The following RABGAP1L variants were observed in gnomAD, a reference collection of about 807,000 sequenced individuals.
The protein encoded by RABGAP1L is rab GTPase-activating protein 1-like.
Under a neutral mutation model 137.7 loss-of-function variants are expected in RABGAP1L, and 63 were observed. The ratio of observed to expected loss-of-function variants is 0.46; its 90% CI spans 0.37 to 0.56. The LOEUF is 0.56. Ranked by LOEUF, RABGAP1L falls within the 20% of genes least tolerant of loss-of-function variation. The pLI, the probability that RABGAP1L is intolerant of heterozygous loss-of-function variation, is 0.00. For missense variants in RABGAP1L, 1,095 were observed against 1,244.0 expected (o/e 0.88, Z 1.80); for synonymous variants, 431 against 433.7 (o/e 0.99, Z 0.08).
chr1:174,496,659 A>T (rs1660755936), intron 13 of RABGAP1L, among the ~76,000 whole-genome samples: 4 of 152,212 alleles, frequency 2.6e-5, no homozygotes, highest in African/African-American at 9.6e-5. Flanking sequence ...GAAGGCAACC[A>T]ATTGCCTGAC....
chr1:174,771,370 T>G (rs919757603), intron 18 of RABGAP1L, among the ~76,000 whole-genome samples: 4 of 152,202 alleles, frequency 2.6e-5, no homozygotes, highest in African/African-American at 9.7e-5. Flanking sequence ...TTTGTATGTC[T>G]TATATAACCA....
chr1:174,784,101 G>C (rs1338954219), intron 18 of RABGAP1L, among the ~76,000 whole-genome samples: 2 of 124,962 alleles, frequency 1.6e-5, no homozygotes, highest in Non-Finnish European at 3.2e-5. Context: ...CTCGCTACAA[G>C]CTCCGCCTCC....
chr1:174,865,770 T>G (rs1371934896), intron 19 of RABGAP1L, among the ~76,000 whole-genome samples: 1 of 152,152 alleles, frequency 6.6e-6, no homozygotes, highest in Non-Finnish European at 1.5e-5. Flanking sequence ...CCTGTAACTT[T>G]TTAAAAAAGG....
chr1:174,823,114 A>G (rs756458700), intron 19 of RABGAP1L, among the ~76,000 whole-genome samples: 15 of 152,316 alleles, frequency 9.8e-5, no homozygotes, highest in Admixed American at 2.6e-4. Flanking sequence ...CAGAATTGCT[A>G]TCTCACCTAG....
chr1:174,453,734 T>C (rs976071309), intron 13 of RABGAP1L, among the ~76,000 whole-genome samples: 3 of 152,210 alleles, frequency 2.0e-5, no homozygotes, highest in African/African-American at 7.2e-5. Flanking sequence ...ACAAAATTGC[T>C]AGAGTAGAGA....
chr1:174,764,931 A>G (rs1685549239), intron 18 of RABGAP1L, among the ~76,000 whole-genome samples: 2 of 152,160 alleles, frequency 1.3e-5, no homozygotes, highest in Non-Finnish European at 2.9e-5. Flanking sequence ...CTGTGTTTTA[A>G]TCCAGCCCTT....
intron 19 of RABGAP1L, among the ~76,000 whole-genome samples, chr1:174,846,076 C>G (rs1694016033): frequency 6.6e-6 from 1 of 151,142 alleles, no homozygotes; most frequent in South Asian, 2.1e-4. Flanking sequence ...GGTGATATCC[C>G]CTTTATTATT....
intron 13 of RABGAP1L, among the ~76,000 whole-genome samples, chr1:174,611,577 T>C (rs1356828185): frequency 2.0e-5 from 3 of 149,858 alleles, no homozygotes; most frequent in African/African-American, 7.4e-5. Flanking sequence ...AAGTAGTTTT[T>C]TCCAATTCTG....
chr1:174,358,707 T>C (rs979283915), intron 11 of RABGAP1L, among the ~76,000 whole-genome samples: 1 of 152,220 alleles, frequency 6.6e-6, no homozygotes, highest in Admixed American at 6.5e-5. Flanking sequence ...AGTTGCCTTT[T>C]ACCCATGTCT....
intron 18 of RABGAP1L, among the ~76,000 whole-genome samples, chr1:174,811,023 G>T (rs899353347): frequency 3.9e-5 from 6 of 152,054 alleles, no homozygotes. Flanking sequence ...GATCACTTGA[G>T]CCTGGGAGGT....
intron 1 of RABGAP1L, among the ~76,000 whole-genome samples, chr1:174,179,695 A>G (rs1666198037): frequency 6.6e-6 from 1 of 152,158 alleles, no homozygotes; most frequent in Non-Finnish European, 1.5e-5. Context: ...TTGCATCATC[A>G]CATTAGCACA....
intron 12 of RABGAP1L, among the ~76,000 whole-genome samples, chr1:174,384,474 A>G (rs529044408): frequency 3.3e-5 from 5 of 152,140 alleles, no homozygotes; most frequent in African/African-American, 7.2e-5. Context: ...TTTTAACTGC[A>G]GTAGGTGCTG....
chr1:174,982,617 G>A (rs924498485), intron 23 of RABGAP1L, among the ~76,000 whole-genome samples: 1 of 152,190 alleles, frequency 6.6e-6, no homozygotes, highest in South Asian at 2.1e-4. Flanking sequence ...CTCTCCGTAT[G>A]TTTCTACTAA....
chr1:174,197,128 C>T (rs914167759), intron 1 of RABGAP1L, among the ~76,000 whole-genome samples: 18 of 152,144 alleles, frequency 1.2e-4, no homozygotes, highest in African/African-American at 4.1e-4. Context: ...GCACTGTGCC[C>T]AGTGCTTTAC....
chr1:174,195,612 T>TCTTCCTTC (rs1315750217), intron 1 of RABGAP1L, among the ~76,000 whole-genome samples: 2 of 59,964 alleles, frequency 3.3e-5, no homozygotes, highest in Non-Finnish European at 6.8e-5. Context: ...TTTCTTTCTT[T>TCTTCCTTC]CTTTCTTCCT....
At position 174,514,247 on chromosome 1, in the gene RABGAP1L, CAAAAA is replaced by C. The variant is rs776487855; in HGVS notation, c.1710+120121_1710+120125del. Among the ~76,000 whole-genome samples the C allele has an allele frequency of 6.2e-5, 5 of 81,072 alleles. No homozygotes were observed. In the Admixed American group the frequency reaches 7.3e-4, roughly 12 times the overall value. 53.2% of individuals were successfully genotyped at this position (81,072 alleles called of 152,430 possible). A position where few individuals can be genotyped will look rare whatever the true frequency, so the allele number is the denominator to read the frequency against. On this transcript the variant is annotated intron_variant, in intron 13 of 25. Transcript: ENST00000681986. ...ATGAAGCATGTGTTATATTTTAAGC[CAAAAA>C]AAAAAAAAAAAAAAAAAACTGGGGA...
At chr1:174,773,163 G>GGTGTGT (rs9286899) in intron 18 of RABGAP1L, among the ~76,000 whole-genome samples, 6 of 149,546 alleles carry the variant, frequency 4.0e-5, no homozygotes, top group Non-Finnish European at 7.4e-5. Flanking sequence ...TAAGCTATGG[G>GGTGTGT]GTGTGTGTGT....
chr1:174,455,309 A>C (rs1334516608), intron 13 of RABGAP1L, among the ~76,000 whole-genome samples: 1 of 152,226 alleles, frequency 6.6e-6, no homozygotes, highest in Non-Finnish European at 1.5e-5. Flanking sequence ...AGAAATACCT[A>C]TCATTGACTT....
intron 12 of RABGAP1L, among the ~76,000 whole-genome samples, chr1:174,372,497 A>G (rs1208964333): frequency 6.6e-6 from 1 of 152,160 alleles, no homozygotes; most frequent in East Asian, 1.9e-4. Context: ...GTGAAGCAGA[A>G]TGACAAAAGG....
Sources: gnomAD v4.1 joint callset for allele counts (sites outside exome capture counted in the v4.1 genomes callset) on GRCh38, gnomAD v4.1.1 for gene constraint, MANE v1.5 for transcripts, NCBI Gene and HGNC (gene_info 2026-07-23, HGNC 2026-07-21) for gene names.